The following NFIA variants were observed in gnomAD, a reference collection of about 807,000 sequenced individuals.
The protein encoded by NFIA is nuclear factor 1 A-type.
NFIA carries 8 observed loss-of-function variants against 62.8 expected under a neutral mutation model. That is an observed-to-expected ratio of 0.13 (90% CI 0.07 to 0.23). NFIA has a LOEUF of 0.23. Ranked by LOEUF, NFIA falls within the 10% of genes least tolerant of loss-of-function variation. The pLI, the probability that NFIA is intolerant of heterozygous loss-of-function variation, is 1.00. For missense variants in NFIA, 410 were observed against 642.1 expected, an observed-to-expected ratio of 0.64 and a Z score of 3.91; for synonymous variants, 235 against 238.1, an observed-to-expected ratio of 0.99 and a Z score of 0.12.
chr1:61,207,305 T>G (rs529115104), intron 2 of NFIA, among the ~76,000 whole-genome samples: 1 of 152,334 alleles, frequency 6.6e-6, no homozygotes, highest in East Asian at 1.9e-4. Flanking sequence ...TTTTGAGTCA[T>G]AAACAATAGA....
chr1:61,450,820 C>A (rs956461564), intron 10 of NFIA, among the ~76,000 whole-genome samples: 2 of 152,224 alleles, frequency 1.3e-5, no homozygotes, highest in African/African-American at 2.4e-5. Context: ...CCCCAGCACT[C>A]TCTGCTCCTT....
chr1:61,298,354 T>TA (rs1007002742), intron 3 of NFIA, among the ~76,000 whole-genome samples: 5 of 152,038 alleles, frequency 3.3e-5, no homozygotes, highest in African/African-American at 1.2e-4. Context: ...CCTCTTTTTT[T>TA]AAAAAAATAA....
chr1:61,307,243 G>A (rs897103453), intron 3 of NFIA, among the ~76,000 whole-genome samples: 2 of 152,140 alleles, frequency 1.3e-5, no homozygotes, highest in Non-Finnish European at 2.9e-5. Context: ...TGGGAGACTA[G>A]GTCATGAGGC....
intron 10 of NFIA, among the ~76,000 whole-genome samples, chr1:61,433,448 T>TA (rs1337356099): frequency 2.0e-5 from 3 of 151,520 alleles, no homozygotes; most frequent in African/African-American, 7.3e-5. Flanking sequence ...TTGTTGTTGT[T>TA]GGTTTCTTTT....
At chr1:61,145,806 A>T (rs571190564) in intron 2 of NFIA, among the ~76,000 whole-genome samples, 4 of 152,308 alleles carry the variant, frequency 2.6e-5, no homozygotes, top group Admixed American at 1.3e-4. Flanking sequence ...ACTCTTCATT[A>T]ATGAACGCTG....
chr1:61,388,038 C>T (rs987277009), intron 7 of NFIA, among the ~76,000 whole-genome samples: 3 of 152,182 alleles, frequency 2.0e-5, no homozygotes, highest in African/African-American at 4.8e-5. Context: ...TAAAATGAAT[C>T]CCCTCTCTGA....
rs1668554989 is a variant in NFIA at position 61,462,024 on chromosome 1, G to GTTTTTTTTTTTTTTTTTTGT, written c.*6723_*6724insTTTTTTTTTTTTTTTTTTTG. 3 of 73,198 alleles carry GTTTTTTTTTTTTTTTTTTGT rather than the reference G, an allele frequency of 4.1e-5. No homozygotes were observed. Among genetic ancestry groups the GTTTTTTTTTTTTTTTTTTGT allele is most frequent in the Non-Finnish European group, 7.4e-5 (3 of 40,488 alleles). The allele number at this position is 73,198 out of a possible 1,614,324, so 4.5% of individuals were successfully genotyped here. Reference sequence around the variant, plus strand: ...ATAGTCTGTAAGTTAGCCTTTTTGGGTTTTTTTTTTTTTTTTTTGGCTTTT... The same window carrying GTTTTTTTTTTTTTTTTTTGT: ...ATAGTCTGTAAGTTAGCCTTTTTGGGTTTTTTTTTTTTTTTTTTGTTTTTTTTTTTTTTTTTTTGGCTTTT... On this transcript the variant is annotated 3_prime_UTR_variant, in exon 11 of 11. Transcript: ENST00000403491.
chr1:61,324,165 ACTTTT>A (rs2100374273), intron 3 of NFIA, among the ~76,000 whole-genome samples: 1 of 152,296 alleles, frequency 6.6e-6, no homozygotes, highest in African/African-American at 2.4e-5. Context: ...GATGAGGTAA[ACTTTT>A]CTTTAGAAGG....
chr1:61,082,445 C>T, upstream of NFIA: 1 of 1,035,864 alleles, frequency 9.7e-7, no homozygotes, highest in Non-Finnish European at 1.2e-6. Context: ...GAGGCGGGCG[C>T]GCGGGCAGCT....
At chr1:61,426,781 G>C (rs1666889746) in intron 10 of NFIA, among the ~76,000 whole-genome samples, 2 of 152,066 alleles carry the variant, frequency 1.3e-5, no homozygotes, top group Admixed American at 1.3e-4. Context: ...AACTGTTTTA[G>C]CTATGGCACA....
chr1:61,410,856 A>C (rs1313322631), intron 9 of NFIA, among the ~76,000 whole-genome samples: 1 of 152,146 alleles, frequency 6.6e-6, no homozygotes, highest in Non-Finnish European at 1.5e-5. Context: ...GCAGTGAACC[A>C]AGATCACGCC....
rs539160408 is a variant in NFIA, at chr1:61,314,678, A to G, written c.626-17834A>G. Among the ~76,000 whole-genome samples, 6 of 152,252 alleles carry G rather than the reference A, an allele frequency of 3.9e-5. No individual in the cohort carries two copies. The South Asian group carries it at 1.2e-3, about 32-fold the overall frequency. ...CATATACACTTGACTTCCTATCCAT[A>G]GGGTTATCCTTGTTGCCCCCCATAA... On this transcript the variant is annotated intron_variant, in intron 3 of 10. Coordinates refer to ENST00000403491, the MANE Select transcript of NFIA (RefSeq NM_001134673.4).
At chr1:61,364,158 C>T (rs939448322) in intron 6 of NFIA, among the ~76,000 whole-genome samples, 1 of 151,862 alleles carries the variant, frequency 6.6e-6, no homozygotes, top group Non-Finnish European at 1.5e-5. Flanking sequence ...ATTGGCCAGG[C>T]TAGTCTCAAA....
At chr1:61,167,552 G>A (rs1259670074) in intron 2 of NFIA, among the ~76,000 whole-genome samples, 4 of 152,128 alleles carry the variant, frequency 2.6e-5, no homozygotes, top group Admixed American at 2.0e-4. Context: ...TTGCATCAAT[G>A]TCTGTAGATT....
At chr1:61,407,381 A>G (rs971489497) in intron 9 of NFIA, among the ~76,000 whole-genome samples, 3 of 152,202 alleles carry the variant, frequency 2.0e-5, no homozygotes, top group Non-Finnish European at 4.4e-5. Flanking sequence ...AGAACATTTA[A>G]TCAAAGAATA....
At chr1:61,395,674 C>T (rs540747422) in intron 7 of NFIA, among the ~76,000 whole-genome samples, 1 of 152,238 alleles carries the variant, frequency 6.6e-6, no homozygotes, top group South Asian at 2.1e-4. Context: ...TGTTGCGTGG[C>T]GTTTGAACAC....
intron 3 of NFIA, among the ~76,000 whole-genome samples, chr1:61,299,955 G>C (rs945987799): frequency 6.6e-6 from 1 of 152,058 alleles, no homozygotes; most frequent in Non-Finnish European, 1.5e-5. Context: ...TGAGATGAAA[G>C]AGTTTTCAAA....
intron 2 of NFIA, among the ~76,000 whole-genome samples, chr1:61,275,167 C>T (rs1345738795): frequency 3.3e-5 from 5 of 152,156 alleles, no homozygotes; most frequent in South Asian, 2.1e-4. Flanking sequence ...GAGAATGCGG[C>T]GGCCCCTTGC....
At chr1:61,274,669 CTA>C (rs1287381869) in intron 2 of NFIA, among the ~76,000 whole-genome samples, 1 of 152,148 alleles carries the variant, frequency 6.6e-6, no homozygotes, top group Non-Finnish European at 1.5e-5. Context: ...TGACAGGTGT[CTA>C]TGGAGTATAT....
Sources: allele counts gnomAD v4.1 joint callset (sites outside exome capture counted in the v4.1 genomes callset), GRCh38; gene constraint gnomAD v4.1.1; transcripts MANE v1.5; gene names NCBI Gene and HGNC (gene_info 2026-07-23, HGNC 2026-07-21).